ABCC1: variants seen among roughly 807,000 people sequenced by gnomAD.
The protein encoded by ABCC1 is ATP binding cassette subfamily C member 1 (ABCC1 blood group), also known as multidrug resistance-associated protein 1.
In ABCC1, 83 loss-of-function variants were observed where a neutral mutation model predicts 172.9. The observed-to-expected ratio is 0.48, with a 90% confidence interval of 0.40 to 0.58. The LOEUF is 0.58. Ranked by LOEUF, ABCC1 falls within the 20% of genes least tolerant of loss-of-function variation. ABCC1 has a pLI of 0.00. For missense variants in ABCC1, 1,817 were observed against 2,002.7 expected (o/e 0.91, Z 1.77); for synonymous variants, 937 against 825.2 (o/e 1.14, Z -2.32).
Position 16,009,830 on chromosome 16 carries a change from T to G in ABCC1, c.280T>G (p.Trp94Gly), listed in dbSNP as rs1033671081. 6.2e-7 allele frequency: 1 copy of G among 1,611,952 alleles called. No individual in the cohort carries two copies. Among genetic ancestry groups the G allele is most frequent in the Non-Finnish European group, 8.5e-7 (1 of 1,179,242 alleles). Residue 94 changes from tryptophan (W) to glycine (G), a missense_variant, in exon 3 of 31, where the codon TGG becomes GGG. Physicochemically the swap from Trp to Gly is radical, Grantham distance 184. Transcript: ENST00000399410. ...CTGGGCAGACCTCTTCTACTCTTTCTGGGAAAGAAGTCGGGGCATATTCCT... is the reference window on the plus strand; with the variant it reads ...CTGGGCAGACCTCTTCTACTCTTTCGGGGAAAGAAGTCGGGGCATATTCCT... ...VCWADLFYSF[W>G]ERSRGIFLAP... is the part of the protein sequence containing the mutation.
chr16:16,106,506 A>G (rs2052116206), intron 20 of ABCC1: 2 of 445,040 alleles, frequency 4.5e-6, no homozygotes, highest in African/African-American at 2.0e-5. Flanking sequence ...TGCGTTTCCC[A>G]TGGGTCTCAT....
intron 7 of ABCC1, among the ~76,000 whole-genome samples, chr16:16,040,445 G>T (rs749876056): frequency 9.2e-5 from 14 of 151,626 alleles, no homozygotes; most frequent in Non-Finnish European, 2.1e-4. Context: ...GTACCACCAT[G>T]CCCGGCTAAT....
chr16:16,012,832 G>A (rs772273934), intron 3 of ABCC1, among the ~76,000 whole-genome samples: 3 of 151,778 alleles, frequency 2.0e-5, no homozygotes, highest in Middle Eastern at 3.2e-3. Context: ...ACAGGCACGC[G>A]CCACCACACC....
At chr16:16,043,176 T>A (rs1263372261) in intron 7 of ABCC1, among the ~76,000 whole-genome samples, 1 of 151,278 alleles carries the variant, frequency 6.6e-6, no homozygotes, top group Non-Finnish European at 1.5e-5. Flanking sequence ...AAAAAAATTT[T>A]TTTTTAGAAA....
At chr16:16,010,906 A>G (rs2047751303) in intron 3 of ABCC1, among the ~76,000 whole-genome samples, 1 of 152,150 alleles carries the variant, frequency 6.6e-6, no homozygotes, top group Non-Finnish European at 1.5e-5. Context: ...CTGAACAGAG[A>G]GTTCTCGGAG....
chr16:16,068,485 C>T (rs1009981796), intron 13 of ABCC1, among the ~76,000 whole-genome samples, 183 bp downstream of exon 13: 1 of 152,218 alleles, frequency 6.6e-6, no homozygotes, highest in East Asian at 1.9e-4. Flanking sequence ...CATTTGACTT[C>T]TTGACAGAGA....
At chr16:16,106,716 C>T in intron 20 of ABCC1, 22 bp from the exon 21 acceptor site, 1 of 1,613,804 alleles carries the variant, frequency 6.2e-7, no homozygotes, top group East Asian at 2.2e-5. Context: ...ACGGTTGACA[C>T]CCTTGTGCTT....
At chr16:16,123,362 C>T (rs747767099) in intron 24 of ABCC1, among the ~76,000 whole-genome samples, 6 of 152,094 alleles carry the variant, frequency 3.9e-5, no homozygotes, top group African/African-American at 7.2e-5. Flanking sequence ...TGGCCAGGCG[C>T]GGTGGCTCAC....
chr16:16,074,327 A>G (rs556724611), intron 14 of ABCC1, among the ~76,000 whole-genome samples: 2 of 151,044 alleles, frequency 1.3e-5, no homozygotes, highest in African/African-American at 4.9e-5. Flanking sequence ...TCCTCCCAAC[A>G]CTCCTGGGCT....
At position 16,070,390 on chromosome 16, in the gene ABCC1, C is replaced by T. The variant is rs545597962; in HGVS notation, c.1825-1252C>T. Among the ~76,000 whole-genome samples the T allele has an allele frequency of 1.7e-4, 25 of 149,878 alleles. 1 individual carries two copies. In the South Asian group the frequency reaches 4.9e-3, roughly 29 times the overall value. Reference sequence around the variant, plus strand: ...CTCAAATAAAGAAACCAAGGTTGGGCGCAGTGGCTCATGCCTGTAATCCCA... The same window carrying T: ...CTCAAATAAAGAAACCAAGGTTGGGTGCAGTGGCTCATGCCTGTAATCCCA... On this transcript the variant is annotated intron_variant, in intron 13 of 30. Coordinates refer to ENST00000399410, the MANE Select transcript of ABCC1 (RefSeq NM_004996.4).
At position 15,997,326 on chromosome 16, in the gene ABCC1, C is replaced by T. The variant is rs139895473; in HGVS notation, c.49-10490C>T. 3.3e-3 allele frequency among the ~76,000 whole-genome samples: 500 copies of T among 152,230 alleles called. 4 individuals carry two copies. The highest frequency in any genetic ancestry group is 0.01 in the African/African-American group (420 of 41,546). ...CAGGATGGTCTTGATCTCCTGACCT[C>T]GTGATCCACCTGCCTTGGCCTCTGA... On this transcript the variant is annotated intron_variant, in intron 1 of 30. Coordinates refer to ENST00000399410, the MANE Select transcript of ABCC1 (RefSeq NM_004996.4).
chr16:16,131,031 G>T (rs1036039917), intron 26 of ABCC1, among the ~76,000 whole-genome samples: 2 of 152,152 alleles, frequency 1.3e-5, no homozygotes, highest in Non-Finnish European at 2.9e-5. Context: ...TGAGGCAGGA[G>T]AGTCGCTTGA....
At chr16:15,980,400 A>G (rs577238574) in intron 1 of ABCC1, among the ~76,000 whole-genome samples, 1 of 152,262 alleles carries the variant, frequency 6.6e-6, no homozygotes, top group East Asian at 1.9e-4. Flanking sequence ...TATAAGGGAA[A>G]GAGGTTTAAT....
intron 22 of ABCC1, among the ~76,000 whole-genome samples, chr16:16,112,533 C>G (rs1345223000): frequency 6.6e-6 from 1 of 152,148 alleles, no homozygotes; most frequent in Non-Finnish European, 1.5e-5. Flanking sequence ...TTTATCCTTG[C>G]AGCAGTCCTG....
At chr16:16,037,038 G>T (rs902166171) in intron 7 of ABCC1, among the ~76,000 whole-genome samples, 1 of 151,914 alleles carries the variant, frequency 6.6e-6, no homozygotes, top group African/African-American at 2.4e-5. Context: ...GGAGGCGGAG[G>T]TTGCAGTGAG....
chr16:16,069,180 AT>A (rs2050234376), intron 13 of ABCC1, among the ~76,000 whole-genome samples: 1 of 135,876 alleles, frequency 7.4e-6, no homozygotes, highest in African/African-American at 3.2e-5. Flanking sequence ...AAATAAATAA[AT>A]AAATAAATAA....
intron 1 of ABCC1, among the ~76,000 whole-genome samples, chr16:15,950,509 G>A (rs1278626362): frequency 6.6e-6 from 1 of 152,058 alleles, no homozygotes; most frequent in East Asian, 1.9e-4. Flanking sequence ...TCCCTTCCCT[G>A]CAACACGTGG....
intron 21 of ABCC1, among the ~76,000 whole-genome samples, chr16:16,107,220 G>A (rs1321640786): frequency 1.3e-5 from 2 of 152,186 alleles, no homozygotes. Context: ...GGGTTCAGTT[G>A]TGCATGAGAT....
At chr16:16,014,816 T>C (rs1045969746) in intron 4 of ABCC1, among the ~76,000 whole-genome samples, 188 bp downstream of exon 4, 3 of 152,168 alleles carry the variant, frequency 2.0e-5, no homozygotes, top group Non-Finnish European at 2.9e-5. Context: ...CCAGCCTTTT[T>C]TCTAGCACCT....
Sources: allele counts gnomAD v4.1 joint callset (sites outside exome capture counted in the v4.1 genomes callset), GRCh38; gene constraint gnomAD v4.1.1; transcripts MANE v1.5; gene names NCBI Gene and HGNC (gene_info 2026-07-23, HGNC 2026-07-21).